Variants in ASCC1 observed in about 807,000 individuals in gnomAD.
The protein encoded by ASCC1 is activating signal cointegrator 1 complex subunit 1.
ASCC1 carries 35 observed loss-of-function variants against 46.6 expected under a neutral mutation model. That is an observed-to-expected ratio of 0.75 (90% CI 0.57 to 0.99). The LOEUF (loss-of-function observed/expected upper bound fraction) is 0.99, where lower values mean the gene tolerates loss of function less well. Ranked by LOEUF, ASCC1 falls within the 50% of genes least tolerant of loss-of-function variation. ASCC1 has a pLI of 0.00. For missense variants in ASCC1, 376 were observed against 428.7 expected (o/e 0.88, Z 1.09); for synonymous variants, 143 against 146.6 (o/e 0.98, Z 0.18).
chr10:72,116,805 G>A lies in ASCC1; in HGVS notation c.957+11277C>T, dbSNP rs540866711. Among the ~76,000 whole-genome samples the A allele has an allele frequency of 5.9e-4, 90 of 152,234 alleles. 2 individuals are homozygous for A. The highest frequency in any genetic ancestry group is 2.1e-3 in the African/African-American group (88 of 41,542). On this transcript the variant is annotated intron_variant, in intron 9 of 9. Coordinates refer to ENST00000672957, the MANE Select transcript of ASCC1 (RefSeq NM_001198800.3). ...CCCAATTCTCTGATAAAAATTTTAA[G>A]CTTGCCAGCCAGGCACAGTGGCTCA...
chr10:72,132,919 T>C, intron 8 of ASCC1, 138 bp downstream of exon 8: 1 of 1,044,242 alleles, frequency 9.6e-7, no homozygotes, highest in Non-Finnish European at 1.5e-6. Flanking sequence ...CCACCTCTAC[T>C]ATGCTCATCA....
chr10:72,203,603 T>G, intron 3 of ASCC1, 79 bp from the exon 4 acceptor site: 1 of 1,035,236 alleles, frequency 9.7e-7, no homozygotes, highest in South Asian at 1.3e-5. Flanking sequence ...AAATCCTTTG[T>G]GACAAGAGAT....
At chr10:72,111,434 C>A (rs1842909046) in intron 9 of ASCC1, among the ~76,000 whole-genome samples, 1 of 151,840 alleles carries the variant, frequency 6.6e-6, no homozygotes, top group Non-Finnish European at 1.5e-5. Context: ...TGCAGTAAGC[C>A]AAGATGATGC....
chr10:72,215,168 CGAGGCGGATCATCT>C (rs374952253), intron 1 of ASCC1, among the ~76,000 whole-genome samples: 48 of 152,246 alleles, frequency 3.2e-4, no homozygotes, highest in African/African-American at 1.1e-3. Context: ...TTTAGGAGGC[CGAGGCGGATCATCT>C]GAGGCCAGGA....
chr10:72,164,049 G>A (rs1011742492), intron 5 of ASCC1, among the ~76,000 whole-genome samples: 2 of 151,820 alleles, frequency 1.3e-5, no homozygotes, highest in African/African-American at 4.8e-5. Flanking sequence ...TACAACTTTT[G>A]CCTCCCGGGT....
chr10:72,130,993 T>C (rs1845517253), intron 8 of ASCC1, among the ~76,000 whole-genome samples: 1 of 152,212 alleles, frequency 6.6e-6, no homozygotes, highest in Admixed American at 6.5e-5. Flanking sequence ...TTTTCCAAAA[T>C]TAAAATACAC....
intron 6 of ASCC1, among the ~76,000 whole-genome samples, chr10:72,156,288 T>C (rs1848949077): frequency 6.6e-6 from 1 of 152,232 alleles, no homozygotes; most frequent in Non-Finnish European, 1.5e-5. Context: ...TAATTGAAGC[T>C]TTCTGAGGCC....
At chr10:72,157,848 A>G (rs1011548363) in intron 6 of ASCC1, among the ~76,000 whole-genome samples, 6 of 152,164 alleles carry the variant, frequency 3.9e-5, no homozygotes, top group African/African-American at 1.2e-4. Flanking sequence ...TCTTTTTGTA[A>G]TTTAGTTCAA....
chr10:72,144,655 T>G (rs1167394563), intron 7 of ASCC1, among the ~76,000 whole-genome samples: 3 of 152,156 alleles, frequency 2.0e-5, no homozygotes, highest in Non-Finnish European at 4.4e-5. Flanking sequence ...TTTTACTATG[T>G]ACATTTAGCT....
Position 72,203,448 on chromosome 10 carries a change from G to A in ASCC1, c.289C>T (p.Pro97Ser). 1 of 1,613,294 alleles carries A rather than the reference G, an allele frequency of 6.2e-7. No homozygotes were observed. The highest frequency in any genetic ancestry group is 8.5e-7 in the Non-Finnish European group (1 of 1,179,390). The change falls in exon 4 of 10, where the codon CCT (proline) becomes TCT (serine). Residue 97 changes from proline (P) to serine (S), a missense_variant. Coordinates refer to ENST00000672957, the MANE Select transcript of ASCC1 (RefSeq NM_001198800.3). ...ETKTSISIPK[P>S]GQDGEIVITG... ...TCACCAATTTCCCCGTCTTGTCCAG[G>A]TTTAGGAATGCTAATAGAAGTTTTG...
intron 9 of ASCC1, among the ~76,000 whole-genome samples, chr10:72,106,566 T>C (rs1440319167): frequency 1.3e-5 from 2 of 152,192 alleles, no homozygotes; most frequent in Non-Finnish European, 2.9e-5. Flanking sequence ...TACTTAATAA[T>C]AACACTTAAC....
intron 5 of ASCC1, among the ~76,000 whole-genome samples, chr10:72,184,112 C>G (rs1853073899): frequency 6.6e-6 from 1 of 151,716 alleles, no homozygotes. Flanking sequence ...CCACTGCACT[C>G]CAGCCTGGGT....
chr10:72,099,293 T>C (rs570845637), intron 9 of ASCC1, among the ~76,000 whole-genome samples: 2 of 152,278 alleles, frequency 1.3e-5, no homozygotes, highest in South Asian at 4.1e-4. Context: ...AAATAGCAAA[T>C]GTAGCAATCA....
intron 7 of ASCC1, 120 bp from the exon 8 acceptor site, chr10:72,133,301 T>C: frequency 9.9e-7 from 1 of 1,006,646 alleles, no homozygotes; most frequent in South Asian, 1.3e-5. Flanking sequence ...AAGCCCTGCA[T>C]CACAGGAGGA....
chr10:72,120,176 C>T (rs150365676), intron 9 of ASCC1, among the ~76,000 whole-genome samples: 3,957 of 152,014 alleles, frequency 0.026, 171 homozygotes, highest in African/African-American at 0.092. Flanking sequence ...TGCAGTGAGC[C>T]GAGACTGCAC....
intron 5 of ASCC1, among the ~76,000 whole-genome samples, chr10:72,189,276 C>G (rs947025609): frequency 6.6e-6 from 1 of 151,310 alleles, no homozygotes; most frequent in African/African-American, 2.4e-5. Flanking sequence ...GGCGGGGTGG[C>G]GGGCGCCTGT....
Position 72,114,895 on chromosome 10 carries a change from A to G in ASCC1, c.957+13187T>C, listed in dbSNP as rs187058070. Among the ~76,000 whole-genome samples the G allele has an allele frequency of 2.2e-4, 34 of 152,320 alleles. 1 individual carries two copies. Among genetic ancestry groups the G allele is most frequent in the Admixed American group, 4.6e-4 (7 of 15,294 alleles). ...ACACGGATTCCACCACAAGTACACA[A>G]CTGTGCCAAATGGTGTGTAAGTAAA... On this transcript the variant is annotated intron_variant, in intron 9 of 9. Coordinates refer to ENST00000672957, the MANE Select transcript of ASCC1 (RefSeq NM_001198800.3).
chr10:72,168,004 C>G (rs1850583477), intron 5 of ASCC1, among the ~76,000 whole-genome samples: 1 of 152,076 alleles, frequency 6.6e-6, no homozygotes, highest in Non-Finnish European at 1.5e-5. Context: ...TCCTGGCTAA[C>G]ACAGTGAAAC....
intron 5 of ASCC1, among the ~76,000 whole-genome samples, chr10:72,169,271 A>G (rs1312377463): frequency 6.6e-6 from 1 of 152,160 alleles, no homozygotes; most frequent in Non-Finnish European, 1.5e-5. Flanking sequence ...CCCCGTCTAC[A>G]CAAGAAATAC....
Sources: allele counts gnomAD v4.1 joint callset (sites outside exome capture counted in the v4.1 genomes callset), GRCh38; gene constraint gnomAD v4.1.1; transcripts MANE v1.5; gene names NCBI Gene and HGNC (gene_info 2026-07-23, HGNC 2026-07-21).